The following SDK1 variants were observed in gnomAD, a reference collection of about 807,000 sequenced individuals.
SDK1 encodes protein sidekick-1.
SDK1 carries 157 observed loss-of-function variants against 245.5 expected under a neutral mutation model. The observed-to-expected ratio is 0.64, with a 90% CI of 0.56 to 0.73. The LOEUF (loss-of-function observed/expected upper bound fraction) is 0.73, where lower values mean the gene tolerates loss of function less well. Among genes scored for constraint, SDK1 ranks in the 30% least tolerant of loss-of-function variants. The probability of loss-of-function intolerance (pLI) is 0.00; values close to 1 mark genes in which losing one functional copy is unlikely to be tolerated. For synonymous variants in SDK1, 1,647 were observed against 1,278.5 expected (o/e 1.29, Z -6.15); for missense variants, 3,583 against 3,002.3 (o/e 1.19, Z -4.52).
At chr7:3,908,333 T>C (rs1200923004) in intron 5 of SDK1, among the ~76,000 whole-genome samples, 1 of 152,180 alleles carries the variant, frequency 6.6e-6, no homozygotes, top group East Asian at 1.9e-4. Context: ...GCAGGATTCT[T>C]GGGAATGACG....
chr7:3,681,720 A>G (rs1279621938), intron 4 of SDK1, among the ~76,000 whole-genome samples: 1 of 152,230 alleles, frequency 6.6e-6, no homozygotes, highest in Admixed American at 6.5e-5. Context: ...TAGTAGGCAC[A>G]TAATAATTAC....
intron 1 of SDK1, among the ~76,000 whole-genome samples, chr7:3,447,949 C>A (rs1416504604): frequency 6.6e-6 from 1 of 152,030 alleles, no homozygotes; most frequent in Non-Finnish European, 1.5e-5. Flanking sequence ...GGTGATCCAC[C>A]CACCTCAGCC....
At chr7:3,745,824 A>C (rs1372166429) in intron 4 of SDK1, among the ~76,000 whole-genome samples, 1 of 152,224 alleles carries the variant, frequency 6.6e-6, no homozygotes, top group Non-Finnish European at 1.5e-5. Context: ...TGCAAATGAT[A>C]TGTTTATCTC....
chr7:3,321,833 T>TTCCTTCCTTCCTTCC (rs1417856290), intron 1 of SDK1, among the ~76,000 whole-genome samples: 225 of 103,764 alleles, frequency 2.2e-3, no homozygotes, highest in African/African-American at 4.1e-3. Context: ...TCCTTCCTCC[T>TTCCTTCCTTCCTTCC]TTTCTCTCTC....
intron 4 of SDK1, among the ~76,000 whole-genome samples, chr7:3,694,840 G>A (rs539415967): frequency 6.6e-6 from 1 of 152,200 alleles, no homozygotes; most frequent in East Asian, 1.9e-4. Flanking sequence ...GTGACATGCA[G>A]GCCTTACTGA....
At chr7:4,108,569 C>G (rs753726045) in intron 22 of SDK1, among the ~76,000 whole-genome samples, 2 of 152,146 alleles carry the variant, frequency 1.3e-5, no homozygotes, top group African/African-American at 4.8e-5. Context: ...GTGGTTTTGC[C>G]GACTTCCGGG....
rs566565567 is a variant in SDK1 at position 3,780,229 on chromosome 7, A to G, written c.714-41221A>G. Among the ~76,000 whole-genome samples, 300 of 152,298 alleles carry G rather than the reference A, an allele frequency of 2.0e-3. 2 individuals are homozygous for G. The highest frequency in any genetic ancestry group is 1.8e-3 in the Non-Finnish European group (122 of 68,026). On this transcript the variant is annotated intron_variant, in intron 4 of 44. Transcript: ENST00000404826. ...GTTGGCACAGTGCCAGACTGAGAGG[A>G]TTTCCCTGGACCAACAGTTTCTGCC...
chr7:3,589,707 C>A (rs1780800570), intron 1 of SDK1, among the ~76,000 whole-genome samples: 1 of 152,094 alleles, frequency 6.6e-6, no homozygotes, highest in African/African-American at 2.4e-5. Flanking sequence ...TTTGAGGACT[C>A]ACTGTCATGA....
chr7:4,172,448 C>T (rs937121274), intron 32 of SDK1, among the ~76,000 whole-genome samples: 2 of 152,196 alleles, frequency 1.3e-5, no homozygotes, highest in African/African-American at 4.8e-5. Context: ...CAAAGAACAC[C>T]GCTTCCTCCA....
chr7:4,176,584 TC>T (rs937734829), intron 34 of SDK1, among the ~76,000 whole-genome samples: 15 of 152,318 alleles, frequency 9.8e-5, no homozygotes, highest in Non-Finnish European at 1.9e-4. Flanking sequence ...GCCGTCACCA[TC>T]ATTCTCCAGA....
chr7:3,875,951 C>A (rs1282942075), intron 5 of SDK1, among the ~76,000 whole-genome samples: 1 of 152,200 alleles, frequency 6.6e-6, no homozygotes, highest in African/African-American at 2.4e-5. Context: ...ACTTGCCTGG[C>A]AGTTCTCTTG....
intron 4 of SDK1, among the ~76,000 whole-genome samples, chr7:3,780,172 C>G (rs1471067111): frequency 9.9e-5 from 15 of 152,222 alleles, no homozygotes; most frequent in Admixed American, 9.8e-4. Flanking sequence ...AATGGTCTCA[C>G]TCTGACCACA....
chr7:3,517,061 CTG>C (rs1343381436), intron 1 of SDK1, among the ~76,000 whole-genome samples: 3 of 152,038 alleles, frequency 2.0e-5, no homozygotes, highest in East Asian at 1.9e-4. Context: ...TCTCTGTAGT[CTG>C]TATTTTATAC....
At chr7:4,246,564 C>T (rs1269647269) in intron 44 of SDK1, among the ~76,000 whole-genome samples, 2 of 152,136 alleles carry the variant, frequency 1.3e-5, no homozygotes, top group African/African-American at 2.4e-5. Context: ...CACCCCTGGA[C>T]ATTCGTTTCC....
intron 44 of SDK1, among the ~76,000 whole-genome samples, chr7:4,254,304 T>C (rs1787497539): frequency 6.6e-6 from 1 of 152,294 alleles, no homozygotes; most frequent in Non-Finnish European, 1.5e-5. Flanking sequence ...AAAGGCTCTG[T>C]CCATTTTTAA....
At chr7:3,730,280 G>T (rs545815470) in intron 4 of SDK1, among the ~76,000 whole-genome samples, 1 of 152,192 alleles carries the variant, frequency 6.6e-6, no homozygotes, top group Admixed American at 6.5e-5. Context: ...GATGGGAGGT[G>T]CTCTGTTGTG....
chr7:3,967,257 C>G (rs989216147), intron 9 of SDK1, 61 bp from the exon 10 acceptor site: 24 of 1,313,456 alleles, frequency 1.8e-5, no homozygotes, highest in Non-Finnish European at 2.3e-5. Flanking sequence ...GATACTCTGC[C>G]AGGCTGATGT....
At chr7:4,085,775 G>C (rs565842107) in intron 22 of SDK1, among the ~76,000 whole-genome samples, 1 of 152,116 alleles carries the variant, frequency 6.6e-6, no homozygotes, top group South Asian at 2.1e-4. Flanking sequence ...GGCTGGTCTT[G>C]AACTCCTAAC....
chr7:4,018,048 T>A (rs1283112085), intron 17 of SDK1, among the ~76,000 whole-genome samples: 3 of 152,176 alleles, frequency 2.0e-5, no homozygotes, highest in Non-Finnish European at 4.4e-5. Context: ...CACATCTGCA[T>A]TTCACTGTTA....
Sources: gnomAD v4.1 joint callset for allele counts (sites outside exome capture counted in the v4.1 genomes callset) on GRCh38, gnomAD v4.1.1 for gene constraint, MANE v1.5 for transcripts, NCBI Gene and HGNC (gene_info 2026-07-23, HGNC 2026-07-21) for gene names.